The following MRRF variants were observed in gnomAD, a reference collection of about 807,000 sequenced individuals.
MRRF encodes the protein ribosome-recycling factor, mitochondrial.
Under a neutral mutation model 25.1 loss-of-function variants are expected in MRRF, and 18 were observed. That is an observed-to-expected ratio of 0.72 (90% CI 0.50 to 1.06). The LOEUF (loss-of-function observed/expected upper bound fraction) is 1.06. Ranked by LOEUF, MRRF falls within the 50% of genes least tolerant of loss-of-function variation. The pLI is 0.00. For synonymous variants in MRRF, 113 were observed against 112.1 expected, an observed-to-expected ratio of 1.01 and a Z score of -0.05; for missense variants, 323 against 319.3, an observed-to-expected ratio of 1.01 and a Z score of -0.09.
chr9:122,294,956 A>G (rs191568696), intron 5 of MRRF, among the ~76,000 whole-genome samples: 1 of 152,332 alleles, frequency 6.6e-6, no homozygotes, highest in Non-Finnish European at 1.5e-5. Context: ...AGCACCTACT[A>G]TGTGCCAGGA....
rs1169564742 is a variant in MRRF, at chr9:122,323,863, C to A, written c.*1246C>A. The A allele has an allele frequency of 6.6e-6, 1 of 152,156 alleles. No individual in the cohort carries two copies. Among genetic ancestry groups the A allele is most frequent in the Non-Finnish European group, 1.5e-5 (1 of 68,030 alleles). The allele number at this position is 152,156 out of a possible 1,614,324, so 9.4% of individuals were successfully genotyped here. On this transcript the variant is annotated 3_prime_UTR_variant, in exon 7 of 7. Coordinates refer to ENST00000344641, the MANE Select transcript of MRRF (RefSeq NM_138777.5). ...GGTTTTCATGATTCATTGTCAGCGT[C>A]ATTTACATAGAGGTGAAGTTTCTTG...
At chr9:122,285,415 A>G (rs1359615706) in intron 4 of MRRF, 128 bp downstream of exon 4, 5 of 780,258 alleles carry the variant, frequency 6.4e-6, no homozygotes. Context: ...AAGAGAACTT[A>G]AGGATAAGGC....
At chr9:122,276,746 T>G (rs971065020) in intron 2 of MRRF, among the ~76,000 whole-genome samples, 2 of 152,258 alleles carry the variant, frequency 1.3e-5, no homozygotes, top group African/African-American at 4.8e-5. Context: ...TTGGGTGTAT[T>G]GTATTAGATC....
intron 2 of MRRF, among the ~76,000 whole-genome samples, chr9:122,274,726 T>G (rs1431334612): frequency 1.3e-5 from 2 of 152,312 alleles, no homozygotes; most frequent in African/African-American, 4.8e-5. Flanking sequence ...TAATAGTCTC[T>G]TATTAAGATT....
intron 2 of MRRF, among the ~76,000 whole-genome samples, chr9:122,271,474 A>G (rs557745097): frequency 2.3e-4 from 35 of 152,190 alleles, no homozygotes; most frequent in Non-Finnish European, 4.3e-4. Context: ...TATTAGAGCC[A>G]TGGATTTAGA....
chr9:122,271,050 C>T lies in MRRF; in HGVS notation c.159C>T (p.Arg53=). 1 of 1,614,190 alleles carries T rather than the reference C, an allele frequency of 6.2e-7. No homozygotes were observed. The highest frequency in any genetic ancestry group is 8.5e-7 in the Non-Finnish European group (1 of 1,180,020). The part of the protein sequence containing the change: ...QYMAYSAVPV[R]HFATKKAKAK... The stretch of plus-strand genomic sequence containing the variant: ...TGGCCTATTCAGCTGTACCAGTCCG[C>T]CATTTTGCTACCAAGAAAGCCAAAG... Residue 53 remains arginine, a synonymous_variant, in exon 2 of 7, where the codon CGC becomes CGT. Coordinates refer to ENST00000344641, the MANE Select transcript of MRRF (RefSeq NM_138777.5).
chr9:122,303,788 C>A (rs576242046), intron 5 of MRRF, among the ~76,000 whole-genome samples: 5 of 152,278 alleles, frequency 3.3e-5, no homozygotes, highest in Admixed American at 2.0e-4. Context: ...GTGAAGGAGC[C>A]GTTATTCAAA....
rs907421614 is a variant in MRRF, at chr9:122,285,166, T to C, written c.341-3T>C. On this transcript the variant is annotated splice_polypyrimidine_tract_variant and splice_region_variant and intron_variant, in intron 3 of 6. Transcript: ENST00000344641. ...TTCTAAAACTCTGTAATTTTTCTTT[T>C]AGGATCCCTTGACAAGATTGCTGTG... The C allele has an allele frequency of 9.4e-6, 15 of 1,592,216 alleles. No homozygotes were observed. In the East Asian group the frequency reaches 3.4e-4, roughly 36 times the overall value.
At chr9:122,276,435 T>C (rs981118916) in intron 2 of MRRF, among the ~76,000 whole-genome samples, 5 of 152,168 alleles carry the variant, frequency 3.3e-5, no homozygotes, top group Admixed American at 3.3e-4. Context: ...GGATCACAGG[T>C]GTTGAGCCAT....
chr9:122,280,613 C>G lies in MRRF; in HGVS notation c.340+15C>G. Reference sequence around the variant, plus strand: ...GACCTCACCAGGTTAGTGACTGAACCAATGTTCTGGGGAGGGATGTAATGG... The same window carrying G: ...GACCTCACCAGGTTAGTGACTGAACGAATGTTCTGGGGAGGGATGTAATGG... On this transcript the variant is annotated intron_variant, in intron 3 of 6. Coordinates refer to ENST00000344641, the MANE Select transcript of MRRF (RefSeq NM_138777.5). 1 of 1,612,218 alleles carries G rather than the reference C, an allele frequency of 6.2e-7. No individual in the cohort carries two copies. The highest frequency in any genetic ancestry group is 8.5e-7 in the Non-Finnish European group (1 of 1,178,440).
At chr9:122,286,723 A>G (rs753179638) in intron 4 of MRRF, among the ~76,000 whole-genome samples, 2 of 152,156 alleles carry the variant, frequency 1.3e-5, no homozygotes, top group Non-Finnish European at 2.9e-5. Flanking sequence ...TTAAATAAAC[A>G]AGGAAAAAAA....
intron 5 of MRRF, among the ~76,000 whole-genome samples, chr9:122,292,550 C>T (rs557354422): frequency 6.6e-6 from 1 of 151,722 alleles, no homozygotes; most frequent in Admixed American, 6.6e-5. Context: ...AAGAAAAAAG[C>T]CAGTGTGTGT....
chr9:122,326,817 G>C lies in MRRF; in HGVS notation c.*4200G>C, dbSNP rs1489623815. The C allele has an allele frequency of 2.0e-5, 3 of 152,154 alleles. No homozygotes were observed. Among genetic ancestry groups the C allele is most frequent in the African/African-American group, 7.2e-5 (3 of 41,426 alleles). The allele number at this position is 152,154 out of a possible 1,614,324, so 9.4% of individuals were successfully genotyped here. A position where few individuals can be genotyped will look rare whatever the true frequency, so the allele number is the denominator to read the frequency against. On this transcript the variant is annotated 3_prime_UTR_variant, in exon 7 of 7. Transcript: ENST00000344641. ...AAACTTCTGATGAATCCTTGTTAAT[G>C]TAGGTGTTATGATTATCTGTGTTTT...
At chr9:122,276,129 G>C (rs1334296571) in intron 2 of MRRF, among the ~76,000 whole-genome samples, 1 of 151,984 alleles carries the variant, frequency 6.6e-6, no homozygotes, top group Non-Finnish European at 1.5e-5. Flanking sequence ...GGCCAGGCTG[G>C]TCTCGAACTT....
chr9:122,289,924 CT>C, intron 4 of MRRF, among the ~76,000 whole-genome samples: 1 of 151,488 alleles, frequency 6.6e-6, no homozygotes, highest in South Asian at 2.1e-4. Flanking sequence ...GCTCTTCTTT[CT>C]TTTTTTCCTC....
chr9:122,309,863 G>A (rs77869549), intron 5 of MRRF, among the ~76,000 whole-genome samples: 3,624 of 152,314 alleles, frequency 0.024, 149 homozygotes, highest in African/African-American at 0.082. Context: ...ATTTTAAAAT[G>A]TCTGTGAGAT....
chr9:122,310,278 C>T (rs1339724923), intron 5 of MRRF, among the ~76,000 whole-genome samples: 1 of 152,218 alleles, frequency 6.6e-6, no homozygotes, highest in African/African-American at 2.4e-5. Context: ...ACCGCTCCTC[C>T]TCATCAACTG....
intron 1 of MRRF, among the ~76,000 whole-genome samples, chr9:122,267,120 G>T (rs7024553): frequency 0.16 from 23,304 of 145,072 alleles, 1,996 homozygotes; most frequent in East Asian, 0.25. Context: ...GGCTCACGCC[G>T]GTAATCCCAG....
intron 1 of MRRF, among the ~76,000 whole-genome samples, chr9:122,267,172 A>G (rs371306512): frequency 2.0e-5 from 3 of 151,746 alleles, no homozygotes; most frequent in African/African-American, 7.3e-5. Flanking sequence ...TGAGGTAAGG[A>G]GTTTGAGACC....
Sources: gnomAD v4.1 joint callset for allele counts (sites outside exome capture counted in the v4.1 genomes callset) on GRCh38, gnomAD v4.1.1 for gene constraint, MANE v1.5 for transcripts, NCBI Gene and HGNC (gene_info 2026-07-23, HGNC 2026-07-21) for gene names.